Variants in ANKH observed in about 807,000 individuals in gnomAD.
ANKH encodes the protein mineralization regulator ANKH.
A neutral mutation model predicts 49.0 loss-of-function variants in ANKH; 15 were observed. The ratio of observed to expected loss-of-function variants is 0.31; its 90% CI spans 0.20 to 0.47. ANKH has a LOEUF of 0.47. Among genes scored for constraint, ANKH ranks in the 20% least tolerant of loss-of-function variants. ANKH has a pLI of 1.00. For synonymous variants in ANKH, 273 were observed against 260.0 expected, an observed-to-expected ratio of 1.05 and a Z score of -0.48; for missense variants, 429 against 652.0, an observed-to-expected ratio of 0.66 and a Z score of 3.72.
chr5:14,785,561 T>C (rs1739947631), intron 1 of ANKH, among the ~76,000 whole-genome samples: 1 of 152,150 alleles, frequency 6.6e-6, no homozygotes, highest in Non-Finnish European at 1.5e-5. Context: ...GTAAGCCAAT[T>C]AAACCTCACC....
chr5:14,818,287 T>C (rs1254160916), intron 1 of ANKH, among the ~76,000 whole-genome samples: 1 of 152,098 alleles, frequency 6.6e-6, no homozygotes, highest in Non-Finnish European at 1.5e-5. Flanking sequence ...GAGAAAGTCC[T>C]ACCCTCCCTT....
At chr5:14,741,260 T>C (rs1317819293) in intron 8 of ANKH, 3 of 157,482 alleles carry the variant, frequency 1.9e-5, no homozygotes, top group Non-Finnish European at 4.2e-5. Flanking sequence ...GTGTTGTTTA[T>C]TTAAGGTTGC....
chr5:14,743,005 C>T (rs1195691938), intron 7 of ANKH, among the ~76,000 whole-genome samples: 5 of 152,186 alleles, frequency 3.3e-5, no homozygotes, highest in East Asian at 1.9e-4. Flanking sequence ...CGCATCCAGC[C>T]GCGTGAAACA....
intron 8 of ANKH, among the ~76,000 whole-genome samples, chr5:14,723,571 C>A (rs1032692224): frequency 6.6e-6 from 1 of 151,984 alleles, no homozygotes; most frequent in South Asian, 2.1e-4. Context: ...CCTGGGAGGT[C>A]CAGGCTGCAG....
chr5:14,709,210 A>ATCTT lies in ANKH; in HGVS notation c.*1983_*1986dup, dbSNP rs1006673362. Reference sequence around the variant, plus strand: ...TGCCCGGCCTGCTTTCTCAGTTTGGATCTTTAAGCTCCAACCCCAGAAGCA... The same window carrying ATCTT: ...TGCCCGGCCTGCTTTCTCAGTTTGGATCTTTCTTTAAGCTCCAACCCCAGAAGCA... On this transcript the variant is annotated 3_prime_UTR_variant, in exon 12 of 12. Coordinates refer to ENST00000284268, the MANE Select transcript of ANKH (RefSeq NM_054027.6). The ATCTT allele has an allele frequency of 6.6e-6, 1 of 152,114 alleles. No homozygotes were observed. Among genetic ancestry groups the ATCTT allele is most frequent in the African/African-American group, 2.4e-5 (1 of 41,406 alleles). 9.4% of individuals were successfully genotyped at this position (152,114 alleles called of 1,614,324 possible).
intron 8 of ANKH, among the ~76,000 whole-genome samples, chr5:14,740,655 T>C (rs533019025): frequency 3.1e-4 from 47 of 152,328 alleles, no homozygotes; most frequent in African/African-American, 1.1e-3. Context: ...TAATTAGGTG[T>C]TGGATCAACG....
intron 1 of ANKH, among the ~76,000 whole-genome samples, chr5:14,863,950 C>T (rs756069200): frequency 2.6e-5 from 4 of 152,146 alleles, no homozygotes; most frequent in Admixed American, 6.5e-5. Flanking sequence ...TGTGGTGGCT[C>T]GTGCCTGTAA....
rs776360474 is a variant in ANKH, at chr5:14,712,934, C to T, written c.1305G>A (p.Ala435=). 25 of 1,613,622 alleles carry T rather than the reference C, an allele frequency of 1.5e-5. No homozygotes were observed. The highest frequency in any genetic ancestry group is 5.0e-5 in the Admixed American group (3 of 59,984). ...GATLGVGSLL[A]GFVGESTMVA... ...CCATGGTGGATTCTCCCACAAAGCCCGCCAGGAGGGAGCCCACGCCCAGGG... is the reference window on the plus strand; with the variant it reads ...CCATGGTGGATTCTCCCACAAAGCCTGCCAGGAGGGAGCCCACGCCCAGGG... Residue 435 remains alanine (A), a synonymous_variant, in exon 11 of 12, where the codon GCG becomes GCA. Transcript: ENST00000284268.
chr5:14,826,175 A>G (rs1433737396), intron 1 of ANKH, among the ~76,000 whole-genome samples: 1 of 152,216 alleles, frequency 6.6e-6, no homozygotes, highest in African/African-American at 2.4e-5. Flanking sequence ...GTACACATTG[A>G]TGTGTGTTTT....
chr5:14,747,554 C>T (rs983993568), intron 6 of ANKH, among the ~76,000 whole-genome samples: 2 of 152,240 alleles, frequency 1.3e-5, no homozygotes, highest in South Asian at 2.1e-4. Flanking sequence ...CAAAGCAAGA[C>T]CCCACCTCTT....
intron 1 of ANKH, chr5:14,798,197 C>G (rs1219182448): frequency 6.3e-7 from 1 of 1,587,414 alleles, no homozygotes; most frequent in African/African-American, 1.3e-5. Context: ...TGTGTGTCCC[C>G]AGGACAAGTC....
In ANKH at chr5:14,708,853, G is replaced by A. The variant is rs954499010; in HGVS notation, c.*2344C>T. ...GAGTTGTATTTCCTCATCTCATAATGAGGAGGCCCTTGCTGATCCTTCCTG... is the reference window on the plus strand; with the variant it reads ...GAGTTGTATTTCCTCATCTCATAATAAGGAGGCCCTTGCTGATCCTTCCTG... On this transcript the variant is annotated 3_prime_UTR_variant, in exon 12 of 12. Coordinates refer to ENST00000284268, the MANE Select transcript of ANKH (RefSeq NM_054027.6). 6.6e-6 allele frequency: 1 copy of A among 152,070 alleles called. No individual in the cohort carries two copies. The highest frequency in any genetic ancestry group is 1.5e-5 in the Non-Finnish European group (1 of 68,020). The allele number at this position is 152,070 out of a possible 1,614,324, so 9.4% of individuals were successfully genotyped here.
chr5:14,822,510 G>T (rs1188950333), intron 1 of ANKH, among the ~76,000 whole-genome samples: 1 of 152,044 alleles, frequency 6.6e-6, no homozygotes, highest in Non-Finnish European at 1.5e-5. Context: ...CCTACATCGG[G>T]CCCATCTGCT....
At chr5:14,850,305 TA>T (rs1317605675) in intron 1 of ANKH, among the ~76,000 whole-genome samples, 1 of 152,238 alleles carries the variant, frequency 6.6e-6, no homozygotes, top group Non-Finnish European at 1.5e-5. Context: ...GGCCCTGAGC[TA>T]AATGTGTGTA....
chr5:14,752,298 AC>A (rs1290892228), intron 4 of ANKH, among the ~76,000 whole-genome samples: 1 of 152,110 alleles, frequency 6.6e-6, no homozygotes, highest in Non-Finnish European at 1.5e-5. Context: ...TGACAGTGAG[AC>A]CCTATCTCAA....
chr5:14,804,899 AGGTCCT>A (rs1172680619), intron 1 of ANKH, among the ~76,000 whole-genome samples: 1 of 152,202 alleles, frequency 6.6e-6, no homozygotes, highest in African/African-American at 2.4e-5. Flanking sequence ...ATGGCCTCTA[AGGTCCT>A]CCAACGACGT....
chr5:14,777,746 G>T (rs1034946448), intron 1 of ANKH, among the ~76,000 whole-genome samples: 5 of 152,264 alleles, frequency 3.3e-5, no homozygotes, highest in Middle Eastern at 6.8e-3. Flanking sequence ...ACCCCTCCTC[G>T]CTGAGAGGAG....
At position 14,846,261 on chromosome 5, in the gene ANKH, T is replaced by C. The variant is rs139827699; in HGVS notation, c.96+25091A>G. Among the ~76,000 whole-genome samples, 248 of 152,328 alleles carry C rather than the reference T, an allele frequency of 1.6e-3. 1 individual carries two copies. The highest frequency in any genetic ancestry group is 5.1e-3 in the African/African-American group (213 of 41,580). ...GCGAGGAGGTCATAATCTTAAAAGATTAAAGACTGTTACCTAAGTGTCTAC... is the reference window on the plus strand; with the variant it reads ...GCGAGGAGGTCATAATCTTAAAAGACTAAAGACTGTTACCTAAGTGTCTAC... On this transcript the variant is annotated intron_variant, in intron 1 of 11. Coordinates refer to ENST00000284268, the MANE Select transcript of ANKH (RefSeq NM_054027.6).
At chr5:14,732,323 G>A (rs1210571932) in intron 8 of ANKH, among the ~76,000 whole-genome samples, 8 of 151,984 alleles carry the variant, frequency 5.3e-5, no homozygotes, top group African/African-American at 1.9e-4. Flanking sequence ...GCTTCCCCGA[G>A]GAGAAAAATG....
Sources: allele counts gnomAD v4.1 joint callset (sites outside exome capture counted in the v4.1 genomes callset), GRCh38; gene constraint gnomAD v4.1.1; transcripts MANE v1.5; gene names NCBI Gene and HGNC (gene_info 2026-07-23, HGNC 2026-07-21).